ZFPM2: variants seen among roughly 807,000 people sequenced by gnomAD.
The protein encoded by ZFPM2 is zinc finger protein, FOG family member 2.
A neutral mutation model predicts 98.6 loss-of-function variants in ZFPM2; 20 were observed. The observed-to-expected ratio is 0.20, with a 90% confidence interval of 0.14 to 0.29. ZFPM2 has a LOEUF of 0.29. ZFPM2 is among the 10% of genes least tolerant of loss of function. The probability of loss-of-function intolerance (pLI) is 1.00; values close to 1 mark genes in which losing one functional copy is unlikely to be tolerated. For missense variants in ZFPM2, 1,310 were observed against 1,388.6 expected (o/e 0.94, Z 0.90); for synonymous variants, 518 against 502.7 (o/e 1.03, Z -0.41).
chr8:105,408,172 C>T (rs1811500002), intron 1 of ZFPM2, among the ~76,000 whole-genome samples: 1 of 151,860 alleles, frequency 6.6e-6, no homozygotes, highest in Admixed American at 6.6e-5. Flanking sequence ...GTTATCACAC[C>T]CTACCCGCTC....
chr8:105,754,398 C>T (rs1812547890), intron 5 of ZFPM2, among the ~76,000 whole-genome samples: 1 of 152,082 alleles, frequency 6.6e-6, no homozygotes, highest in Non-Finnish European at 1.5e-5. Flanking sequence ...AGTAGAATTA[C>T]CCATTTATAA....
intron 1 of ZFPM2, among the ~76,000 whole-genome samples, chr8:105,360,594 G>T (rs1812838125): frequency 6.6e-6 from 1 of 151,560 alleles, no homozygotes; most frequent in Non-Finnish European, 1.5e-5. Context: ...TCTAGCATTA[G>T]GTATATCTCC....
chr8:105,423,881 A>C (rs763429590), intron 2 of ZFPM2, among the ~76,000 whole-genome samples: 2 of 152,234 alleles, frequency 1.3e-5, no homozygotes, highest in African/African-American at 4.8e-5. Flanking sequence ...ATAATTGTAA[A>C]GTGAAATAAA....
rs1392020836 is a variant in ZFPM2 at position 105,804,468 on chromosome 8, G to GAAAT, written c.*933_*936dup. The GAAAT allele has an allele frequency of 6.6e-6, 1 of 152,520 alleles. No homozygotes were observed. Among genetic ancestry groups the GAAAT allele is most frequent in the Non-Finnish European group, 1.5e-5 (1 of 68,002 alleles). 9.4% of individuals were successfully genotyped at this position (152,520 alleles called of 1,614,324 possible). On this transcript the variant is annotated 3_prime_UTR_variant, in exon 8 of 8. Coordinates refer to ENST00000407775, the MANE Select transcript of ZFPM2 (RefSeq NM_012082.4). ...CAAAGATAATGTTCTACTTCTGATA[G>GAAAT]AAATAATTTCTCAACAAATGTTGTT... is the stretch of plus-strand genomic sequence containing the variant.
intron 3 of ZFPM2, among the ~76,000 whole-genome samples, chr8:105,488,338 A>G (rs1362925237): frequency 6.6e-6 from 1 of 152,172 alleles, no homozygotes; most frequent in Non-Finnish European, 1.5e-5. Flanking sequence ...ATTATCTTCA[A>G]CCGTGCATTT....
chr8:105,467,410 A>C (rs1812814472), intron 3 of ZFPM2, among the ~76,000 whole-genome samples: 1 of 152,126 alleles, frequency 6.6e-6, no homozygotes, highest in Admixed American at 6.6e-5. Context: ...AGAGGTGCTC[A>C]GTTATTGCTT....
At chr8:105,330,595 CATATATATATATATACACAT>C (rs1360842833) in intron 1 of ZFPM2, among the ~76,000 whole-genome samples, 5 of 88,230 alleles carry the variant, frequency 5.7e-5, no homozygotes, top group African/African-American at 1.4e-4. Flanking sequence ...TATATATATA[CATATATATATATATACACAT>C]ATATATATAT....
intron 4 of ZFPM2, among the ~76,000 whole-genome samples, chr8:105,621,189 G>T (rs1002432362): frequency 6.6e-6 from 1 of 151,946 alleles, no homozygotes; most frequent in Non-Finnish European, 1.5e-5. Context: ...ATTTGTTTGT[G>T]TCCTCTTATT....
chr8:105,611,068 T>A (rs1816299025), intron 4 of ZFPM2, among the ~76,000 whole-genome samples: 1 of 152,212 alleles, frequency 6.6e-6, no homozygotes, highest in African/African-American at 2.4e-5. Context: ...GAAGTCAGGA[T>A]GTCAGGCTTC....
chr8:105,758,720 T>C (rs1193247347), intron 5 of ZFPM2, among the ~76,000 whole-genome samples: 1 of 152,138 alleles, frequency 6.6e-6, no homozygotes, highest in Non-Finnish European at 1.5e-5. Flanking sequence ...CATGCATTAC[T>C]GAGTTATTCC....
At chr8:105,577,721 A>G (rs1430335052) in intron 4 of ZFPM2, among the ~76,000 whole-genome samples, 1 of 151,728 alleles carries the variant, frequency 6.6e-6, no homozygotes, top group African/African-American at 2.4e-5. Context: ...TTGACCACAT[A>G]GAGCGTTATA....
chr8:105,612,084 G>A (rs773576466), intron 4 of ZFPM2, among the ~76,000 whole-genome samples: 2 of 152,092 alleles, frequency 1.3e-5, no homozygotes, highest in Non-Finnish European at 2.9e-5. Flanking sequence ...CCAACCTTGA[G>A]ACTTGACCAT....
intron 5 of ZFPM2, among the ~76,000 whole-genome samples, chr8:105,788,359 A>G (rs967610924): frequency 6.6e-6 from 1 of 152,250 alleles, no homozygotes; most frequent in Non-Finnish European, 1.5e-5. Flanking sequence ...AATAAATTTC[A>G]GCAGTTGGGT....
At chr8:105,666,632 A>G (rs964838119) in intron 5 of ZFPM2, among the ~76,000 whole-genome samples, 6 of 152,218 alleles carry the variant, frequency 3.9e-5, no homozygotes, top group Non-Finnish European at 5.9e-5. Context: ...CTAGAAAACC[A>G]TAGGGTGAAA....
intron 4 of ZFPM2, among the ~76,000 whole-genome samples, chr8:105,602,367 G>A (rs1816110857): frequency 6.6e-6 from 1 of 152,034 alleles, no homozygotes; most frequent in South Asian, 2.1e-4. Context: ...ATATAAATAT[G>A]GAGCATGGTA....
intron 4 of ZFPM2, among the ~76,000 whole-genome samples, chr8:105,586,691 G>T (rs997247553): frequency 2.0e-5 from 3 of 151,884 alleles, no homozygotes; most frequent in Non-Finnish European, 4.4e-5. Flanking sequence ...AAAGTGCTGG[G>T]ATTACAGGCG....
chr8:105,520,773 T>C (rs1814036676), intron 3 of ZFPM2, among the ~76,000 whole-genome samples: 1 of 151,996 alleles, frequency 6.6e-6, no homozygotes, highest in South Asian at 2.1e-4. Context: ...GAAGTATGAG[T>C]AATTGATAGA....
At chr8:105,329,411 C>T (rs1007691585) in intron 1 of ZFPM2, among the ~76,000 whole-genome samples, 3 of 151,816 alleles carry the variant, frequency 2.0e-5, no homozygotes, top group African/African-American at 7.2e-5. Context: ...AAATGTGTGA[C>T]TACTTCCATG....
At chr8:105,633,393 C>T (rs1279494593) in intron 4 of ZFPM2, among the ~76,000 whole-genome samples, 5 of 152,136 alleles carry the variant, frequency 3.3e-5, no homozygotes, top group Admixed American at 1.3e-4. Context: ...GGTGACTCAT[C>T]GGGAAACACA....
Sources: gnomAD v4.1 joint callset for allele counts (sites outside exome capture counted in the v4.1 genomes callset) on GRCh38, gnomAD v4.1.1 for gene constraint, MANE v1.5 for transcripts, NCBI Gene and HGNC (gene_info 2026-07-23, HGNC 2026-07-21) for gene names.